Variants in ARHGAP20 observed in about 807,000 individuals in gnomAD.
ARHGAP20 encodes Rho GTPase activating protein 20.
In ARHGAP20, 34 loss-of-function variants were observed where a neutral mutation model predicts 73.7. That is an observed-to-expected ratio of 0.46 (90% CI 0.35 to 0.61). ARHGAP20 has a LOEUF of 0.61. Among genes scored for constraint, ARHGAP20 ranks in the 20% least tolerant of loss-of-function variants. The pLI is 0.00. For missense variants in ARHGAP20, 1,314 were observed against 1,420.9 expected (o/e 0.92, Z 1.21); for synonymous variants, 523 against 518.2 (o/e 1.01, Z -0.13).
At chr11:110,610,738 T>G (rs530976712) in intron 7 of ARHGAP20, among the ~76,000 whole-genome samples, 1 of 152,278 alleles carries the variant, frequency 6.6e-6, no homozygotes, top group South Asian at 2.1e-4. Flanking sequence ...GAATGTGGTG[T>G]GCACACTAAA....
intron 11 of ARHGAP20, among the ~76,000 whole-genome samples, chr11:110,586,788 G>T (rs1947679844): frequency 6.6e-6 from 1 of 152,170 alleles, no homozygotes; most frequent in Non-Finnish European, 1.5e-5. Context: ...AGTTGCTAGG[G>T]ATAGAGAAGT....
intron 3 of ARHGAP20, among the ~76,000 whole-genome samples, chr11:110,625,623 T>C (rs972707897): frequency 6.6e-6 from 1 of 152,052 alleles, no homozygotes; most frequent in African/African-American, 2.4e-5. Context: ...CTGGGGACCT[T>C]GAAGGTGGTC....
At chr11:110,698,815 GT>G (rs1277782767) in intron 1 of ARHGAP20, among the ~76,000 whole-genome samples, 2 of 151,600 alleles carry the variant, frequency 1.3e-5, no homozygotes, top group Non-Finnish European at 3.0e-5. Context: ...TTTCTTGTTG[GT>G]TAATTTAGCC....
intron 2 of ARHGAP20, among the ~76,000 whole-genome samples, chr11:110,647,250 C>T (rs1050818824): frequency 1.3e-5 from 2 of 151,836 alleles, no homozygotes; most frequent in East Asian, 1.9e-4. Flanking sequence ...TCTTAGATAT[C>T]GAAATGGGGA....
At position 110,579,431 on chromosome 11, in the gene ARHGAP20, G is replaced by C; in HGVS notation, c.3515C>G (p.Pro1172Arg). The C allele has an allele frequency of 6.2e-7, 1 of 1,613,774 alleles. No individual in the cohort carries two copies. The highest frequency in any genetic ancestry group is 8.5e-7 in the Non-Finnish European group (1 of 1,179,722). The change falls in exon 15 of 15, where the codon CCA becomes CGA. Residue 1172 changes from proline (P) to arginine (R), a missense_variant. By Grantham distance (103) the Pro-to-Arg change is moderately radical. Around this residue, in one of 3 missense-constraint regions of ARHGAP20, gnomAD observed 641 missense variants for 636.9 expected, o/e 1.01. Coordinates refer to ENST00000683387, the MANE Select transcript of ARHGAP20 (RefSeq NM_001384657.1). ...GCAGACCACTGTAGGCCCTGAGTCT[G>C]GGCTGGTCGCATCCTCTAGAGTCCA... ...SSWTLEDATS[P>R]DSGPTVVCDI...
chr11:110,592,349 G>A (rs1374373379), intron 9 of ARHGAP20, among the ~76,000 whole-genome samples, 194 bp from the exon 10 acceptor site: 1 of 152,188 alleles, frequency 6.6e-6, no homozygotes, highest in African/African-American at 2.4e-5. Flanking sequence ...ATGAATCAAT[G>A]AAGGAAGAAT....
In ARHGAP20 at chr11:110,647,717, G is replaced by C. The variant is rs1444649776; in HGVS notation, c.189-16925C>G. Among the ~76,000 whole-genome samples the C allele has an allele frequency of 5.9e-5, 9 of 152,162 alleles. No individual in the cohort carries two copies. The East Asian group carries it at 1.7e-3, about 29-fold the overall frequency. ...TAGTTTTGAAATCAAAGGAAGGAATGGTTTTTGGCCTTTAATTTGATAGAG... is the reference window on the plus strand; with the variant it reads ...TAGTTTTGAAATCAAAGGAAGGAATCGTTTTTGGCCTTTAATTTGATAGAG... On this transcript the variant is annotated intron_variant, in intron 2 of 14. Coordinates refer to ENST00000683387, the MANE Select transcript of ARHGAP20 (RefSeq NM_001384657.1).
At chr11:110,689,091 C>T (rs1044170084) in intron 2 of ARHGAP20, among the ~76,000 whole-genome samples, 1 of 151,644 alleles carries the variant, frequency 6.6e-6, no homozygotes, top group African/African-American at 2.4e-5. Flanking sequence ...CTCCGCCTCC[C>T]CGGTTCACGC....
intron 1 of ARHGAP20, among the ~76,000 whole-genome samples, chr11:110,692,929 G>A (rs1444827812): frequency 6.6e-6 from 1 of 151,738 alleles, no homozygotes; most frequent in Non-Finnish European, 1.5e-5. Context: ...CAACTTCAGG[G>A]GTTCAGAACC....
At chr11:110,681,527 AAAG>A (rs1212793811) in intron 2 of ARHGAP20, among the ~76,000 whole-genome samples, 1 of 152,166 alleles carries the variant, frequency 6.6e-6, no homozygotes, top group African/African-American at 2.4e-5. Flanking sequence ...TTCTGTTATG[AAAG>A]AAGATTTTAC....
At chr11:110,625,514 C>A (rs984891831) in intron 3 of ARHGAP20, among the ~76,000 whole-genome samples, 1 of 151,904 alleles carries the variant, frequency 6.6e-6, no homozygotes, top group Non-Finnish European at 1.5e-5. Context: ...AACCATTTCC[C>A]CTTATATTCT....
chr11:110,584,844 C>CATAT (rs142469054), intron 12 of ARHGAP20, among the ~76,000 whole-genome samples: 80 of 149,192 alleles, frequency 5.4e-4, no homozygotes, highest in Admixed American at 9.5e-4. Flanking sequence ...ATTTCTGATT[C>CATAT]ATATATATAT....
intron 3 of ARHGAP20, among the ~76,000 whole-genome samples, chr11:110,629,602 G>A (rs7937056): frequency 0.32 from 48,645 of 151,950 alleles, 8,317 homozygotes; most frequent in African/African-American, 0.43. Flanking sequence ...ATTCTGAAAC[G>A]GTTCTTATCT....
intron 9 of ARHGAP20, among the ~76,000 whole-genome samples, chr11:110,598,092 T>C (rs1948015445): frequency 6.6e-6 from 1 of 151,960 alleles, no homozygotes. Flanking sequence ...GTTGTGTTTA[T>C]ATAATAATAA....
At chr11:110,700,285 A>C (rs1950418325) in intron 1 of ARHGAP20, among the ~76,000 whole-genome samples, 1 of 152,198 alleles carries the variant, frequency 6.6e-6, no homozygotes, top group South Asian at 2.1e-4. Context: ...AGTCACTTTC[A>C]AGCATTTAAA....
chr11:110,711,294 C>A (rs1950648723), intron 1 of ARHGAP20, among the ~76,000 whole-genome samples: 1 of 152,138 alleles, frequency 6.6e-6, no homozygotes, highest in African/African-American at 2.4e-5. Context: ...CACGCGCTGC[C>A]CCCACGCCCA....
chr11:110,590,584 A>C, intron 11 of ARHGAP20, 64 bp downstream of exon 11: 1 of 1,462,690 alleles, frequency 6.8e-7, no homozygotes, highest in Non-Finnish European at 9.1e-7. Flanking sequence ...CATAATGAAA[A>C]AGTAAAACAC....
At chr11:110,604,445 G>T (rs1948177110) in intron 9 of ARHGAP20, among the ~76,000 whole-genome samples, 1 of 152,058 alleles carries the variant, frequency 6.6e-6, no homozygotes, top group African/African-American at 2.4e-5. Context: ...TAGCAAAACT[G>T]GTTAAAACCC....
At chr11:110,634,354 G>T (rs1018100130) in intron 2 of ARHGAP20, among the ~76,000 whole-genome samples, 1 of 152,118 alleles carries the variant, frequency 6.6e-6, no homozygotes, top group Non-Finnish European at 1.5e-5. Context: ...GGAAGGACAG[G>T]TAAGCGAGAA....
Sources: allele counts gnomAD v4.1 joint callset (sites outside exome capture counted in the v4.1 genomes callset), GRCh38; gene constraint gnomAD v4.1.1; regional missense constraint gnomAD v4.1.1; transcripts MANE v1.5; gene names NCBI Gene and HGNC (gene_info 2026-07-23, HGNC 2026-07-21).